The following TRHDE variants were observed in gnomAD, a reference collection of about 807,000 sequenced individuals.
TRHDE encodes the protein thyrotropin releasing hormone degrading enzyme.
TRHDE carries 72 observed loss-of-function variants against 125.7 expected under a neutral mutation model. The ratio of observed to expected loss-of-function variants is 0.57; its 90% confidence interval spans 0.47 to 0.70. The LOEUF is 0.70. TRHDE is among the 30% of genes least tolerant of loss of function. The pLI is 0.00. For missense variants in TRHDE, 1,110 were observed against 1,327.1 expected (o/e 0.84, Z 2.54); for synonymous variants, 509 against 509.1 (o/e 1.00, Z 0.00).
intron 3 of TRHDE, among the ~76,000 whole-genome samples, chr12:72,436,009 A>C (rs1301007645): frequency 6.6e-6 from 1 of 152,076 alleles, no homozygotes; most frequent in African/African-American, 2.4e-5. Flanking sequence ...GGATTTTTAC[A>C]CTAAATGAAA....
intron 3 of TRHDE, among the ~76,000 whole-genome samples, chr12:72,445,338 T>C (rs1875223146): frequency 6.6e-6 from 1 of 151,798 alleles, no homozygotes; most frequent in African/African-American, 2.4e-5. Context: ...CTGAAGAAAA[T>C]ATTGCCCTGT....
At chr12:72,255,744 T>C (rs1338158784) in intron 2 of TRHDE, 2 of 147,578 alleles carry the variant, frequency 1.4e-5, no homozygotes, top group Non-Finnish European at 3.0e-5. Context: ...GACATTGCAT[T>C]CCCAGCACAT....
intron 15 of TRHDE, among the ~76,000 whole-genome samples, chr12:72,646,166 A>T (rs970063935): frequency 1.3e-5 from 2 of 152,150 alleles, no homozygotes; most frequent in Admixed American, 1.3e-4. Context: ...ACTAAAATAT[A>T]TTAAAAGGTA....
At chr12:72,279,584 G>GA (rs1231062756) in intron 1 of TRHDE, among the ~76,000 whole-genome samples, 2 of 152,170 alleles carry the variant, frequency 1.3e-5, no homozygotes, top group Admixed American at 1.3e-4. Context: ...ATTCAAACGT[G>GA]AAAAATACTT....
intron 6 of TRHDE, among the ~76,000 whole-genome samples, chr12:72,532,745 A>G (rs930681800): frequency 6.6e-6 from 1 of 150,400 alleles, no homozygotes; most frequent in African/African-American, 2.4e-5. Context: ...TTCTACTTAA[A>G]TATTTTCTCT....
At chr12:72,322,922 G>A (rs1197539471) in intron 2 of TRHDE, among the ~76,000 whole-genome samples, 2 of 152,174 alleles carry the variant, frequency 1.3e-5, no homozygotes, top group East Asian at 3.9e-4. Flanking sequence ...TCCTAGCTTT[G>A]TTACTGATTA....
chr12:72,428,938 T>A (rs1422014794), intron 3 of TRHDE, among the ~76,000 whole-genome samples: 1 of 152,094 alleles, frequency 6.6e-6, no homozygotes, highest in Non-Finnish European at 1.5e-5. Context: ...ATCTAATTAA[T>A]CCTTATGGCT....
At chr12:72,377,852 C>T in intron 2 of TRHDE, 143 bp from the exon 3 acceptor site, 1 of 502,784 alleles carries the variant, frequency 2.0e-6, no homozygotes, top group Non-Finnish European at 3.3e-6. Flanking sequence ...TTCAGCCCCA[C>T]TGTGCTTTGA....
intron 2 of TRHDE, among the ~76,000 whole-genome samples, chr12:72,231,202 C>T (rs1878239971): frequency 6.6e-6 from 1 of 151,980 alleles, no homozygotes; most frequent in African/African-American, 2.4e-5. Context: ...AAAAAAAAAT[C>T]AGCACACACA....
At chr12:72,200,729 G>T (rs1341043530) in intron 2 of TRHDE, among the ~76,000 whole-genome samples, 1 of 152,228 alleles carries the variant, frequency 6.6e-6, no homozygotes, top group Non-Finnish European at 1.5e-5. Context: ...TCTAGATCAA[G>T]CTGAAGGTAC....
intron 2 of TRHDE, among the ~76,000 whole-genome samples, chr12:72,157,364 G>T (rs550642786): frequency 6.6e-6 from 1 of 152,310 alleles, no homozygotes; most frequent in African/African-American, 2.4e-5. Flanking sequence ...ATTATCTCAT[G>T]TGTTTTAGGA....
intron 2 of TRHDE, among the ~76,000 whole-genome samples, chr12:72,165,970 C>T (rs756196813): frequency 4.6e-5 from 7 of 152,198 alleles, no homozygotes; most frequent in Non-Finnish European, 8.8e-5. Flanking sequence ...CCACCGCCCC[C>T]GGCCGAGAAA....
chr12:72,447,471 A>G (rs1002683715), intron 3 of TRHDE, among the ~76,000 whole-genome samples: 3 of 152,102 alleles, frequency 2.0e-5, no homozygotes, highest in Non-Finnish European at 4.4e-5. Flanking sequence ...AGTGATGTCA[A>G]TGTTGCCATT....
At chr12:72,638,490 T>C (rs1483303099) in intron 15 of TRHDE, among the ~76,000 whole-genome samples, 1 of 151,298 alleles carries the variant, frequency 6.6e-6, no homozygotes, top group Non-Finnish European at 1.5e-5. Flanking sequence ...AATTGGAGCA[T>C]TTAGTCCATT....
At chr12:72,337,385 G>T (rs1869875654) in intron 2 of TRHDE, among the ~76,000 whole-genome samples, 1 of 152,146 alleles carries the variant, frequency 6.6e-6, no homozygotes, top group African/African-American at 2.4e-5. Context: ...TATATCCCAG[G>T]CAGGAGCAAA....
intron 3 of TRHDE, among the ~76,000 whole-genome samples, chr12:72,391,719 G>A (rs918155727): frequency 3.3e-5 from 5 of 152,138 alleles, no homozygotes; most frequent in Non-Finnish European, 7.3e-5. Context: ...GATATACCGT[G>A]TCAATTTTTA....
chr12:72,192,174 G>A (rs10879374), intron 2 of TRHDE, among the ~76,000 whole-genome samples: 18,187 of 152,056 alleles, frequency 0.12, 2,085 homozygotes, highest in African/African-American at 0.3. Context: ...TTCAGGGTCT[G>A]CGTGAACCTG....
intron 7 of TRHDE, among the ~76,000 whole-genome samples, chr12:72,558,134 A>G (rs915193859): frequency 1.3e-5 from 2 of 152,154 alleles, no homozygotes; most frequent in Non-Finnish European, 2.9e-5. Context: ...TGGCAGGATC[A>G]TTACTCTCAC....
chr12:72,229,845 G>A (rs1358528298), intron 2 of TRHDE, among the ~76,000 whole-genome samples: 1 of 152,152 alleles, frequency 6.6e-6, no homozygotes, highest in Non-Finnish European at 1.5e-5. Flanking sequence ...AGAATAATTG[G>A]TCTTTAAAGA....
Sources: allele counts gnomAD v4.1 joint callset (sites outside exome capture counted in the v4.1 genomes callset), GRCh38; gene constraint gnomAD v4.1.1; transcripts MANE v1.5; gene names NCBI Gene and HGNC (gene_info 2026-07-23, HGNC 2026-07-21).